GSTM3: variants seen among roughly 807,000 people sequenced by gnomAD.
GSTM3 encodes glutathione S-transferase mu 3.
A neutral mutation model predicts 36.1 loss-of-function variants in GSTM3; 34 were observed. That is an observed-to-expected ratio of 0.94 (90% confidence interval 0.72 to 1.25). The LOEUF is 1.25. Ranked by LOEUF, GSTM3 falls within the 50% of genes most tolerant of loss-of-function variation. The probability of loss-of-function intolerance (pLI) is 0.00; values close to 1 mark genes in which losing one functional copy is unlikely to be tolerated. For missense variants in GSTM3, 266 were observed against 281.6 expected (o/e 0.94, Z 0.40); for synonymous variants, 102 against 99.5 (o/e 1.03, Z -0.15).
chr1:109,739,376 G>T, intron 4 of GSTM3, 53 bp downstream of exon 4: 1 of 1,228,808 alleles, frequency 8.1e-7, no homozygotes, highest in Non-Finnish European at 1.2e-6. Context: ...GGCAAGGATG[G>T]ATATACTTGA....
chr1:109,740,377 G>T lies in GSTM3; in HGVS notation c.-90C>A. On this transcript the variant is annotated 5_prime_UTR_variant, in exon 2 of 9. Coordinates refer to ENST00000361066, the MANE Select transcript of GSTM3 (RefSeq NM_000849.5). ...CATAAGGGGGCGGGGCCCACGCGCG[G>T]GCGCCCTGACTCCGCCTCCGCCCCG... is the stretch of plus-strand genomic sequence containing the variant. The T allele has an allele frequency of 8.2e-7, 1 of 1,222,334 alleles. No individual in the cohort carries two copies. The highest frequency in any genetic ancestry group is 1.3e-5 in the South Asian group (1 of 75,780). 75.7% of individuals were successfully genotyped at this position (1,222,334 alleles called of 1,614,324 possible).
intron 2 of GSTM3, 65 bp downstream of exon 2, chr1:109,740,175 A>C: frequency 6.9e-7 from 1 of 1,441,992 alleles, no homozygotes; most frequent in Non-Finnish European, 9.7e-7. Flanking sequence ...TCGCGGACCC[A>C]GAGACCCGCC....
At position 109,738,444 on chromosome 1, in the gene GSTM3, C is replaced by A. The variant is rs1649273843; in HGVS notation, c.190-78G>T. ...TACCTCTCTCTCCAGGGGAAAAGAA[C>A]ACTTGCAGGGCAGTGAACAAGAGTG... is the stretch of plus-strand genomic sequence containing the variant. On this transcript the variant is annotated intron_variant, in intron 4 of 8. Coordinates refer to ENST00000361066, the MANE Select transcript of GSTM3 (RefSeq NM_000849.5). The A allele has an allele frequency of 5.4e-6, 5 of 917,556 alleles. No individual in the cohort carries two copies. In the East Asian group the frequency reaches 9.6e-5, roughly 18 times the overall value. The allele number at this position is 917,556 out of a possible 1,614,324, so 56.8% of individuals were successfully genotyped here.
chr1:109,739,984 C>G, intron 2 of GSTM3, 76 bp from the exon 3 acceptor site: 1 of 1,237,542 alleles, frequency 8.1e-7, no homozygotes, highest in Non-Finnish European at 1.2e-6. Context: ...TTCCCCGGCC[C>G]GGGGCTGCCG....
chr1:109,740,261 G>T lies in GSTM3; in HGVS notation c.27C>A (p.Leu9=). The change falls in exon 2 of 9, where the codon CTC becomes CTA. Residue 9 remains leucine (L), a synonymous_variant. Transcript: ENST00000361066. MSCESSMV[L]GYWDIRGLAH... ...TCACCCCACGAATATCCCAGTACCC[G>T]AGAACCATAGACGACTCGCACGACA... 4.3e-6 allele frequency: 7 copies of T among 1,613,668 alleles called. No individual in the cohort carries two copies. The highest frequency in any genetic ancestry group is 5.9e-6 in the Non-Finnish European group (7 of 1,179,720).
chr1:109,738,232 A>C, intron 5 of GSTM3, 41 bp from the exon 6 acceptor site: 1 of 1,595,194 alleles, frequency 6.3e-7, no homozygotes, highest in Non-Finnish European at 8.6e-7. Context: ...GGCATCATCC[A>C]CTCTCAGACA....
In GSTM3 at chr1:109,738,377, A is replaced by G. The variant is rs1374989484; in HGVS notation, c.190-11T>C. The G allele has an allele frequency of 6.3e-7, 1 of 1,597,346 alleles. No individual in the cohort carries two copies. The highest frequency in any genetic ancestry group is 2.2e-5 in the East Asian group (1 of 44,826). On this transcript the variant is annotated splice_polypyrimidine_tract_variant and intron_variant, in intron 4 of 8. Coordinates refer to ENST00000361066, the MANE Select transcript of GSTM3 (RefSeq NM_000849.5). Reference sequence around the variant, plus strand: ...CAGGAGGTAGGGCAGCTGAAAGGAAAAGGACAGGACAAATGAACAACCTGC... The same window carrying G: ...CAGGAGGTAGGGCAGCTGAAAGGAAGAGGACAGGACAAATGAACAACCTGC...
At position 109,734,324 on chromosome 1, in the gene GSTM3, C is replaced by A. The variant is rs1018846136; in HGVS notation, c.*2747G>T. 3.3e-5 allele frequency: 5 copies of A among 152,194 alleles called. No individual in the cohort carries two copies. The highest frequency in any genetic ancestry group is 7.3e-5 in the Non-Finnish European group (5 of 68,032). The allele number at this position is 152,194 out of a possible 1,614,324, so 9.4% of individuals were successfully genotyped here. A position where few individuals can be genotyped will look rare whatever the true frequency, so the allele number is the denominator to read the frequency against. On this transcript the variant is annotated 3_prime_UTR_variant, in exon 9 of 9. Transcript: ENST00000361066. ...TGGTCACTTCTGAGCAACATCCTAGCTTAAGGGTAACTTCTTCCGTTTTTC... is the reference window on the plus strand; with the variant it reads ...TGGTCACTTCTGAGCAACATCCTAGATTAAGGGTAACTTCTTCCGTTTTTC...
In GSTM3 at chr1:109,739,432, A is replaced by G. The variant is rs766497422; in HGVS notation, c.186T>C (p.Pro62=). The G allele has an allele frequency of 1.9e-6, 3 of 1,610,204 alleles. No homozygotes were observed. The South Asian group carries it at 3.3e-5, about 18-fold the overall frequency. Residue 62 remains proline, a synonymous_variant, in exon 4 of 9, where the codon CCT becomes CCC. Transcript: ENST00000361066. ...CACCTCTACTAAAGCCACTTACATT[A>G]GGAAAGTCCAGGTCTAGCTTGAATT... ...DVKFKLDLDF[P]NLPYLLDGKN... is the part of the protein sequence containing the mutation.
At chr1:109,739,616 T>C (rs1649307227) in intron 3 of GSTM3, 123 bp from the exon 4 acceptor site, 5 of 797,188 alleles carry the variant, frequency 6.3e-6, no homozygotes, top group Admixed American at 4.2e-5. Context: ...AGCATAACCA[T>C]TGAGCCTCTG....
At position 109,738,121 on chromosome 1, in the gene GSTM3, T is replaced by C. The variant is rs1442670793; in HGVS notation, c.342A>G (p.Gln114=). 6.2e-7 allele frequency: 1 copy of C among 1,613,308 alleles called. No individual in the cohort carries two copies. ...CAGAGCTGTAACAGAGCCTTATCAG[T>C]TGTGTGCGGAAATCCATTACTTGGT... is the stretch of plus-strand genomic sequence containing the variant. ...IENQVMDFRT[Q]LIRLCYSSDH... The change falls in exon 6 of 9, where the codon CAA becomes CAG. Residue 114 remains glutamine (Q), a synonymous_variant. Coordinates refer to ENST00000361066, the MANE Select transcript of GSTM3 (RefSeq NM_000849.5).
At chr1:109,737,920 C>T (rs561819145) in intron 6 of GSTM3, among the ~76,000 whole-genome samples, 169 bp from the exon 7 acceptor site, 2 of 152,200 alleles carry the variant, frequency 1.3e-5, no homozygotes, top group Admixed American at 6.5e-5. Flanking sequence ...GGCACCAGCA[C>T]CAGAATTACA....
intron 2 of GSTM3, 90 bp from the exon 3 acceptor site, chr1:109,739,998 C>T (rs982016457): frequency 1.8e-6 from 2 of 1,124,538 alleles, no homozygotes; most frequent in Admixed American, 2.0e-5. Flanking sequence ...GCTGCCGAGT[C>T]CCTGCGTCCT....
chr1:109,739,533 T>C, intron 3 of GSTM3, 40 bp from the exon 4 acceptor site: 1 of 1,436,166 alleles, frequency 7.0e-7, no homozygotes, highest in Non-Finnish European at 9.8e-7. Context: ...ACCTCCTTAA[T>C]ACCCCACCTG....
chr1:109,740,355 A>G lies in GSTM3; in HGVS notation c.-68T>C, dbSNP rs772152532. On this transcript the variant is annotated 5_prime_UTR_variant, in exon 2 of 9. Coordinates refer to ENST00000361066, the MANE Select transcript of GSTM3 (RefSeq NM_000849.5). ...GCGGGAGGGGCTTTATACCCGACATAAGGGGGCGGGGCCCACGCGCGGGCG... is the reference window on the plus strand; with the variant it reads ...GCGGGAGGGGCTTTATACCCGACATGAGGGGGCGGGGCCCACGCGCGGGCG... The G allele has an allele frequency of 9.9e-6, 14 of 1,407,500 alleles. No individual in the cohort carries two copies. In the African/African-American group the frequency reaches 1.9e-4, roughly 19 times the overall value. The allele number at this position is 1,407,500 out of a possible 1,614,324, so 87.2% of individuals were successfully genotyped here. A position where few individuals can be genotyped will look rare whatever the true frequency, so the allele number is the denominator to read the frequency against.
Position 109,740,402 on chromosome 1 carries a change from G to T in GSTM3, c.-115C>A. The T allele has an allele frequency of 7.0e-6, 6 of 863,050 alleles. No homozygotes were observed. Among genetic ancestry groups the T allele is most frequent in the South Asian group, 1.6e-5 (1 of 62,904 alleles). The allele number at this position is 863,050 out of a possible 1,614,324, so 53.5% of individuals were successfully genotyped here. ...GGCGCCCTGACTCCGCCTCCGCCCC[G>T]TTCTCCGTCCCTTGCCTCCGCGGCT... On this transcript the variant is annotated 5_prime_UTR_variant, in exon 2 of 9. Coordinates refer to ENST00000361066, the MANE Select transcript of GSTM3 (RefSeq NM_000849.5).
In GSTM3 at chr1:109,736,933, C is replaced by A. The variant is rs1428559074; in HGVS notation, c.*138G>T. The A allele has an allele frequency of 1.6e-6, 1 of 615,642 alleles. No homozygotes were observed. The highest frequency in any genetic ancestry group is 2.0e-5 in the South Asian group (1 of 50,516). The allele number at this position is 615,642 out of a possible 1,614,324, so 38.1% of individuals were successfully genotyped here. On this transcript the variant is annotated 3_prime_UTR_variant, in exon 9 of 9. Transcript: ENST00000361066. The stretch of plus-strand genomic sequence containing the variant: ...ATGATTCTCCACATATCCTTTTTCC[C>A]TTTTAGCCTTTATACCCAAGAGAAA...
intron 1 of GSTM3, 80 bp from the exon 2 acceptor site, chr1:109,740,591 C>T: frequency 4.7e-6 from 2 of 423,112 alleles, no homozygotes; most frequent in Non-Finnish European, 8.5e-6. Context: ...ATTAATGGTG[C>T]CAGTGAAGAC....
chr1:109,740,549 C>T, intron 1 of GSTM3, 38 bp from the exon 2 acceptor site: 1 of 527,144 alleles, frequency 1.9e-6, no homozygotes, highest in Non-Finnish European at 3.3e-6. Context: ...GAGGCTCCTC[C>T]CTTCCCCGCG....
Sources: allele counts gnomAD v4.1 joint callset (sites outside exome capture counted in the v4.1 genomes callset), GRCh38; gene constraint gnomAD v4.1.1; transcripts MANE v1.5; gene names NCBI Gene and HGNC (gene_info 2026-07-23, HGNC 2026-07-21).